The following CSNK1G2 variants were observed in gnomAD, a reference collection of about 807,000 sequenced individuals.
CSNK1G2 encodes casein kinase 1 gamma 2.
A neutral mutation model predicts 48.0 loss-of-function variants in CSNK1G2; 11 were observed. The observed-to-expected ratio is 0.23, with a 90% CI of 0.14 to 0.38. The LOEUF (loss-of-function observed/expected upper bound fraction) is 0.38. CSNK1G2 is among the 10% of genes least tolerant of loss of function. The pLI, the probability that CSNK1G2 is intolerant of heterozygous loss-of-function variation, is 1.00. For missense variants in CSNK1G2, 446 were observed against 595.5 expected (o/e 0.75, Z 2.61); for synonymous variants, 337 against 254.1 (o/e 1.33, Z -3.10).
chr19:1,970,390 C>G (rs1263822295), intron 2 of CSNK1G2, among the ~76,000 whole-genome samples: 4 of 152,202 alleles, frequency 2.6e-5, no homozygotes, highest in Non-Finnish European at 4.4e-5. Flanking sequence ...AGTGACTGTT[C>G]TGTGGTGATG....
chr19:1,973,463 GC>G (rs2015645983), intron 2 of CSNK1G2, among the ~76,000 whole-genome samples: 1 of 152,222 alleles, frequency 6.6e-6, no homozygotes, highest in Non-Finnish European at 1.5e-5. Context: ...GCCCGCCTTG[GC>G]CTCTGAAAGT....
chr19:1,972,419 T>C (rs920576842), intron 2 of CSNK1G2, among the ~76,000 whole-genome samples: 2 of 152,228 alleles, frequency 1.3e-5, no homozygotes, highest in Non-Finnish European at 2.9e-5. Context: ...TGTTCTAGAA[T>C]GTGTCGTTTT....
rs996365361 is a variant in CSNK1G2, at chr19:1,970,712, G to A, written c.187+753G>A. On this transcript the variant is annotated intron_variant, in intron 2 of 11. Transcript: ENST00000255641. ...GGTTAAATTTATTGCTGGTGCTGCC[G>A]GAGCTCCTGCGGGAGGGCATTTGGC... Among the ~76,000 whole-genome samples the A allele has an allele frequency of 4.6e-5, 7 of 152,350 alleles. No individual in the cohort carries two copies. The South Asian group carries it at 1.0e-3, about 23-fold the overall frequency.
rs950945360 is a variant in CSNK1G2, at chr19:1,957,415, G to A, written c.-265-12093G>A. On this transcript the variant is annotated intron_variant, in intron 1 of 11. Transcript: ENST00000255641. This position sits in a 1 kb window ranked among gnomAD's most constrained non-coding sequence, Gnocchi z 5.4. ...GGCGCTCGTGCAAACCAAGTGCTGA[G>A]CAGAGAGCAGCCTGGGAGAGAAGGG... Among the ~76,000 whole-genome samples, 2 of 152,246 alleles carry A rather than the reference G, an allele frequency of 1.3e-5. No individual in the cohort carries two copies. Among genetic ancestry groups the A allele is most frequent in the Admixed American group, 1.3e-4 (2 of 15,286 alleles).
intron 1 of CSNK1G2, chr19:1,952,804 C>T: frequency 3.1e-6 from 1 of 326,014 alleles, no homozygotes; most frequent in Non-Finnish European, 6.2e-6. Flanking sequence ...GGACCAAGCC[C>T]TCTCGCCTAG....
intron 1 of CSNK1G2, among the ~76,000 whole-genome samples, chr19:1,963,806 C>G (rs1319927041): frequency 6.7e-6 from 1 of 148,784 alleles, no homozygotes; most frequent in African/African-American, 2.5e-5. Context: ...CTGCGCCCAG[C>G]CTCTACAAAT....
At chr19:1,955,729 C>T (rs1016604243) in intron 1 of CSNK1G2, among the ~76,000 whole-genome samples, 2 of 152,176 alleles carry the variant, frequency 1.3e-5, no homozygotes. Flanking sequence ...CAGCGGACCC[C>T]CGTGCCACTG....
chr19:1,967,182 CAG>C (rs1297169223), intron 1 of CSNK1G2, among the ~76,000 whole-genome samples: 1 of 152,218 alleles, frequency 6.6e-6, no homozygotes, highest in East Asian at 1.9e-4. Flanking sequence ...GTGATCCCCA[CAG>C]GGTGTTTCTG....
At chr19:1,946,433 A>G (rs1051105869) in intron 1 of CSNK1G2, among the ~76,000 whole-genome samples, 1 of 149,342 alleles carries the variant, frequency 6.7e-6, no homozygotes. Flanking sequence ...CTGGGACTAC[A>G]GGCGACCGCC....
chr19:1,979,713 C>T (rs375982093), intron 9 of CSNK1G2, 39 bp from the exon 10 acceptor site: 14 of 1,602,630 alleles, frequency 8.7e-6, no homozygotes, highest in Admixed American at 3.3e-5. Flanking sequence ...TGGGAACCGG[C>T]GCTGCAGCCC....
intron 1 of CSNK1G2, among the ~76,000 whole-genome samples, chr19:1,962,881 A>G (rs115321249): frequency 1.8e-3 from 277 of 152,344 alleles, no homozygotes; most frequent in African/African-American, 6.5e-3. Context: ...GCCCGTGCGC[A>G]GACGCCGCCG....
chr19:1,951,873 G>A (rs938946325), intron 1 of CSNK1G2, among the ~76,000 whole-genome samples: 1 of 152,008 alleles, frequency 6.6e-6, no homozygotes, highest in Non-Finnish European at 1.5e-5. Flanking sequence ...GTAGAGACGG[G>A]GTTTCACCGT....
At chr19:1,951,693 T>G (rs2014768715) in intron 1 of CSNK1G2, among the ~76,000 whole-genome samples, 1 of 144,376 alleles carries the variant, frequency 6.9e-6, no homozygotes, top group Non-Finnish European at 1.5e-5. Flanking sequence ...CTGCTGTTTT[T>G]TTTTGGAGAC....
At chr19:1,970,027 C>A in intron 2 of CSNK1G2, 68 bp downstream of exon 2, 1 of 1,244,206 alleles carries the variant, frequency 8.0e-7, no homozygotes, top group Non-Finnish European at 1.0e-6. Flanking sequence ...GTCACCGGAG[C>A]CTCTGGTGGG....
chr19:1,964,611 C>A (rs1466348073), intron 1 of CSNK1G2, among the ~76,000 whole-genome samples: 1 of 152,152 alleles, frequency 6.6e-6, no homozygotes, highest in Non-Finnish European at 1.5e-5. Flanking sequence ...TAAATCTACT[C>A]TGTGCTCTAT....
intron 1 of CSNK1G2, among the ~76,000 whole-genome samples, chr19:1,960,657 G>A (rs554118155): frequency 6.6e-6 from 1 of 152,218 alleles, no homozygotes; most frequent in African/African-American, 2.4e-5. Flanking sequence ...GGAGGCTAAG[G>A]TGGGTGGATC....
At chr19:1,955,521 G>A (rs560297499) in intron 1 of CSNK1G2, among the ~76,000 whole-genome samples, 2 of 151,824 alleles carry the variant, frequency 1.3e-5, no homozygotes, top group South Asian at 4.2e-4. Flanking sequence ...CCAGGGTGAG[G>A]CTCCGCGGGG....
At chr19:1,941,853 C>T (rs947254633) in intron 1 of CSNK1G2, among the ~76,000 whole-genome samples, 8 of 150,288 alleles carry the variant, frequency 5.3e-5, no homozygotes, top group African/African-American at 2.0e-4. Context: ...TTAGTCCCCA[C>T]CCCACCTCCC....
chr19:1,976,470 G>C (rs1159113099), intron 2 of CSNK1G2, among the ~76,000 whole-genome samples: 1 of 152,248 alleles, frequency 6.6e-6, no homozygotes, highest in Non-Finnish European at 1.5e-5. Context: ...CCCAGGTAGT[G>C]ATGCGGACAG....
Sources: allele counts gnomAD v4.1 joint callset (sites outside exome capture counted in the v4.1 genomes callset), GRCh38; gene constraint gnomAD v4.1.1; non-coding constraint Gnocchi (gnomAD v3.1); transcripts MANE v1.5; gene names NCBI Gene and HGNC (gene_info 2026-07-23, HGNC 2026-07-21).